The following SI variants were observed in gnomAD, a reference collection of about 807,000 sequenced individuals.
SI encodes the protein sucrase-isomaltase, also known as sucrase-isomaltase, intestinal.
Under a neutral mutation model 253.3 loss-of-function variants are expected in SI, and 235 were observed. The ratio of observed to expected loss-of-function variants is 0.93; its 90% CI spans 0.83 to 1.03. SI has a LOEUF of 1.03. SI is among the 50% of genes least tolerant of loss of function. SI has a pLI of 0.00. For missense variants in SI, 2,442 were observed against 2,211.1 expected, an observed-to-expected ratio of 1.10 and a Z score of -2.09; for synonymous variants, 819 against 712.0, an observed-to-expected ratio of 1.15 and a Z score of -2.39.
intron 47 of SI, 124 bp from the exon 48 acceptor site, chr3:164,979,554 G>T: frequency 3.6e-6 from 2 of 560,938 alleles, no homozygotes; most frequent in South Asian, 4.7e-5. Context: ...TATATCTTGA[G>T]AAATTTTTAC....
At chr3:164,993,903 G>A (rs966507690) in intron 41 of SI, among the ~76,000 whole-genome samples, 3 of 151,686 alleles carry the variant, frequency 2.0e-5, no homozygotes, top group Non-Finnish European at 4.4e-5. Flanking sequence ...GCAGTAAACC[G>A]TGATTAATTA....
chr3:165,016,170 T>A (rs559744690), intron 31 of SI, 90 bp from the exon 32 acceptor site: 1 of 1,209,988 alleles, frequency 8.3e-7, no homozygotes, highest in African/African-American at 1.5e-5. Flanking sequence ...GTAACAGCAA[T>A]ATGAAAGTTT....
intron 3 of SI, among the ~76,000 whole-genome samples, chr3:165,072,070 T>C (rs1478227771): frequency 6.6e-6 from 1 of 152,106 alleles, no homozygotes; most frequent in Non-Finnish European, 1.5e-5. Context: ...TATACAATAA[T>C]TTATACAGTA....
chr3:165,027,221 T>C (rs1450740291), intron 25 of SI, among the ~76,000 whole-genome samples: 2 of 151,174 alleles, frequency 1.3e-5, no homozygotes, highest in Admixed American at 6.6e-5. Flanking sequence ...CTAGAAGAGA[T>C]GGATAAATTC....
chr3:165,059,524 A>G (rs1009394589), intron 10 of SI, among the ~76,000 whole-genome samples: 1 of 152,020 alleles, frequency 6.6e-6, no homozygotes, highest in African/African-American at 2.4e-5. Flanking sequence ...GTCAGTGATA[A>G]TGACTAGAAT....
chr3:165,080,749 T>C (rs1046791208), upstream of SI, among the ~76,000 whole-genome samples: 6 of 152,022 alleles, frequency 3.9e-5, no homozygotes, highest in South Asian at 2.1e-4. Flanking sequence ...CTGGGGCCTG[T>C]CATGAGGTGG....
intron 25 of SI, among the ~76,000 whole-genome samples, chr3:165,025,591 C>T (rs1039463717): frequency 6.6e-5 from 10 of 151,076 alleles, no homozygotes; most frequent in Admixed American, 2.7e-4. Context: ...ATCTTAAGAG[C>T]TGTGAGGCAA....
At position 165,015,939 on chromosome 3, in the gene SI, T is replaced by G. The variant is rs761384499; in HGVS notation, c.3888+13A>C. ...AACAAGAAATAAGACTCAGGTAAAC[T>G]CCAAGTACTGACCAGGATAATAATG... On this transcript the variant is annotated intron_variant, in intron 32 of 47. Transcript: ENST00000264382. The G allele has an allele frequency of 1.9e-6, 3 of 1,605,166 alleles. No homozygotes were observed. The highest frequency in any genetic ancestry group is 2.6e-6 in the Non-Finnish European group (3 of 1,172,150).
intron 6 of SI, among the ~76,000 whole-genome samples, chr3:165,067,023 A>G (rs1321441240): frequency 2.6e-5 from 4 of 151,884 alleles, no homozygotes; most frequent in Non-Finnish European, 5.9e-5. Flanking sequence ...CAAATTGGCA[A>G]CAAAATACGA....
intron 46 of SI, 99 bp from the exon 47 acceptor site, chr3:164,982,509 T>C: frequency 1.2e-6 from 1 of 841,336 alleles, no homozygotes; most frequent in Non-Finnish European, 1.9e-6. Context: ...TTTCGTAGTA[T>C]AATAAATTGT....
chr3:165,058,470 G>C (rs1713811131), intron 12 of SI, among the ~76,000 whole-genome samples: 1 of 151,528 alleles, frequency 6.6e-6, no homozygotes, highest in African/African-American at 2.4e-5. Context: ...AAAACAAACA[G>C]TACAAAACAG....
At position 165,030,843 on chromosome 3, in the gene SI, G is replaced by C; in HGVS notation, c.2761C>G (p.Leu921Val). 7.1e-7 allele frequency: 1 copy of C among 1,403,568 alleles called. No homozygotes were observed. The highest frequency in any genetic ancestry group is 9.5e-7 in the Non-Finnish European group (1 of 1,048,212). 86.9% of individuals were successfully genotyped at this position (1,403,568 alleles called of 1,614,324 possible). ...ACACTAAAGTTTCTTCCAAGATTAA[G>C]TTTGAGATCTGCAATTAGGAGAACC... ...NQVLLIADLK[L>V]NLGRNFSVQW... The change falls in exon 25 of 48, where the codon CTT (leucine) becomes GTT (valine). Residue 921 changes from leucine to valine, a missense_variant. Coordinates refer to ENST00000264382, the MANE Select transcript of SI (RefSeq NM_001041.4).
At chr3:165,068,468 G>C (rs1714369841) in intron 5 of SI, among the ~76,000 whole-genome samples, 1 of 152,062 alleles carries the variant, frequency 6.6e-6, no homozygotes, top group Non-Finnish European at 1.5e-5. Flanking sequence ...CCAACTCCCG[G>C]GTTCTCGCCA....
intron 44 of SI, among the ~76,000 whole-genome samples, chr3:164,988,735 A>C (rs1717558597): frequency 6.6e-6 from 1 of 152,184 alleles, no homozygotes; most frequent in Non-Finnish European, 1.5e-5. Context: ...TTGAATGTCA[A>C]AGCAAGGAAT....
intron 1 of SI, among the ~76,000 whole-genome samples, chr3:165,077,593 A>G (rs1715084602): frequency 6.6e-6 from 1 of 151,734 alleles, no homozygotes; most frequent in Admixed American, 6.6e-5. Context: ...TAAAGTAAAC[A>G]GAGCAACAGG....
At chr3:165,059,535 GCA>G (rs1162702635) in intron 10 of SI, among the ~76,000 whole-genome samples, 1 of 151,984 alleles carries the variant, frequency 6.6e-6, no homozygotes, top group African/African-American at 2.4e-5. Context: ...TGACTAGAAT[GCA>G]TTGTTTTTAT....
rs750073419 is a variant in SI, at chr3:165,059,272, T to A, written c.1174A>T (p.Met392Leu). 1 of 1,612,664 alleles carries A rather than the reference T, an allele frequency of 6.2e-7. No individual in the cohort carries two copies. The highest frequency in any genetic ancestry group is 8.5e-7 in the Non-Finnish European group (1 of 1,179,058). The change falls in exon 11 of 48, where the codon ATG becomes TTG. Residue 392 changes from methionine to leucine, a missense_variant. Transcript: ENST00000264382. ...TAAGTAAAGTCTTTCTTGTCTTCCA[T>A]GTAGTCAATATCAGTGACCTGTGTA... Reference protein sequence around the residue: ...FDTQVTDIDYMEDKKDFTYDQ... With the variant: ...FDTQVTDIDYLEDKKDFTYDQ...
chr3:165,034,473 A>C (rs1229006307), intron 22 of SI, among the ~76,000 whole-genome samples: 1 of 151,956 alleles, frequency 6.6e-6, no homozygotes, highest in South Asian at 2.1e-4. Flanking sequence ...GACTACAAGC[A>C]ATGTTAAGTT....
intron 47 of SI, among the ~76,000 whole-genome samples, chr3:164,980,023 G>A (rs371568448): frequency 2.6e-5 from 4 of 151,664 alleles, no homozygotes; most frequent in African/African-American, 4.8e-5. Flanking sequence ...ATGATATGAC[G>A]ATTTCAGGAG....
Sources: allele counts gnomAD v4.1 joint callset (sites outside exome capture counted in the v4.1 genomes callset), GRCh38; gene constraint gnomAD v4.1.1; transcripts MANE v1.5; gene names NCBI Gene and HGNC (gene_info 2026-07-23, HGNC 2026-07-21).